DPYD: variants seen among roughly 807,000 people sequenced by gnomAD.
The protein encoded by DPYD is dihydropyrimidine dehydrogenase.
In DPYD, 109 loss-of-function variants were observed where a neutral mutation model predicts 116.2. That is an observed-to-expected ratio of 0.94 (90% confidence interval 0.80 to 1.10). DPYD has a LOEUF of 1.10. DPYD is among the 50% of genes least tolerant of loss of function. DPYD has a pLI of 0.00. For missense variants in DPYD, 1,302 were observed against 1,254.5 expected, an observed-to-expected ratio of 1.04 and a Z score of -0.57; for synonymous variants, 440 against 432.0, an observed-to-expected ratio of 1.02 and a Z score of -0.23.
intron 16 of DPYD, among the ~76,000 whole-genome samples, chr1:97,364,429 G>C (rs1169022987): frequency 6.6e-6 from 1 of 151,882 alleles, no homozygotes; most frequent in Non-Finnish European, 1.5e-5. Context: ...ATCAATCCTA[G>C]AAAAAAATAA....
intron 3 of DPYD, among the ~76,000 whole-genome samples, chr1:97,786,492 T>C (rs1189053624): frequency 2.0e-5 from 3 of 152,234 alleles, no homozygotes; most frequent in Admixed American, 6.5e-5. Flanking sequence ...AACCACCATC[T>C]ATCAAAGATT....
chr1:97,397,723 T>C (rs1673094222), intron 14 of DPYD, among the ~76,000 whole-genome samples: 1 of 152,072 alleles, frequency 6.6e-6, no homozygotes. Flanking sequence ...CTAAATAATA[T>C]ATCACTGTCT....
At chr1:97,782,549 C>G (rs1666808471) in intron 3 of DPYD, among the ~76,000 whole-genome samples, 2 of 152,198 alleles carry the variant, frequency 1.3e-5, no homozygotes, top group African/African-American at 2.4e-5. Context: ...CATGTATACT[C>G]ACTTTACTTC....
chr1:97,553,853 G>A (rs1052752081), intron 11 of DPYD, among the ~76,000 whole-genome samples: 1 of 152,054 alleles, frequency 6.6e-6, no homozygotes. Context: ...TCTGCAATTG[G>A]AAGAGAAATT....
chr1:97,880,456 G>A (rs1672151168), intron 2 of DPYD, among the ~76,000 whole-genome samples: 1 of 151,248 alleles, frequency 6.6e-6, no homozygotes, highest in South Asian at 2.1e-4. Flanking sequence ...AATACGTAAG[G>A]AGCAGCATTA....
rs762468894 is a variant in DPYD at position 97,721,562 on chromosome 1, G to C, written c.431C>G (p.Ala144Gly). ...AATATTAATGGGTCCCTCTTCAGTG[G>C]CATATAAATTGCATCCACCTACACA... ...DLCVGGCNLY[A>G]TEEGPINIGG... is the part of the protein sequence containing the mutation. The change falls in exon 5 of 23, where the codon GCC (alanine) becomes GGC (glycine). Residue 144 changes from alanine (A) to glycine (G), a missense_variant. Transcript: ENST00000370192. 5.6e-6 allele frequency: 9 copies of C among 1,611,762 alleles called. No individual in the cohort carries two copies. The highest frequency in any genetic ancestry group is 6.8e-6 in the Non-Finnish European group (8 of 1,178,446).
At chr1:97,268,763 C>G (rs116290812) in intron 18 of DPYD, among the ~76,000 whole-genome samples, 2,750 of 152,202 alleles carry the variant, frequency 0.018, 88 homozygotes, top group African/African-American at 0.063. Flanking sequence ...CAATGTCCTA[C>G]CTAACTTGCC....
intron 21 of DPYD, among the ~76,000 whole-genome samples, chr1:97,091,550 T>G (rs1168631168): frequency 6.6e-6 from 1 of 152,134 alleles, no homozygotes; most frequent in African/African-American, 2.4e-5. Flanking sequence ...TTAAAGGGAA[T>G]GTGGCCGTTA....
chr1:97,704,215 G>A (rs1275353673), intron 5 of DPYD, among the ~76,000 whole-genome samples: 1 of 152,000 alleles, frequency 6.6e-6, no homozygotes, highest in East Asian at 1.9e-4. Context: ...ATGACAAAAT[G>A]AGGGCAAATG....
chr1:97,704,264 G>A (rs948804460), intron 5 of DPYD, among the ~76,000 whole-genome samples: 1 of 151,944 alleles, frequency 6.6e-6, no homozygotes, highest in Admixed American at 6.6e-5. Flanking sequence ...AATATTTTGT[G>A]GGTGAATGGG....
chr1:97,216,712 T>C (rs1660422135), intron 19 of DPYD, among the ~76,000 whole-genome samples: 1 of 152,044 alleles, frequency 6.6e-6, no homozygotes, highest in Non-Finnish European at 1.5e-5. Context: ...GGAGAATTGT[T>C]TGAACCTGGG....
At chr1:97,426,758 A>G (rs1379980302) in intron 14 of DPYD, among the ~76,000 whole-genome samples, 1 of 152,082 alleles carries the variant, frequency 6.6e-6, no homozygotes, top group African/African-American at 2.4e-5. Flanking sequence ...TAGGATCTAG[A>G]AAAAAATTTA....
chr1:97,624,009 A>C (rs1656782182), intron 8 of DPYD, among the ~76,000 whole-genome samples: 1 of 152,062 alleles, frequency 6.6e-6, no homozygotes, highest in African/African-American at 2.4e-5. Flanking sequence ...ATAAAACCAG[A>C]AACTCTAAAA....
chr1:97,725,379 C>T (rs1255529339), intron 4 of DPYD, among the ~76,000 whole-genome samples: 1 of 151,504 alleles, frequency 6.6e-6, no homozygotes, highest in East Asian at 1.9e-4. Context: ...GTGATACTAT[C>T]CAAATTTATC....
chr1:97,477,604 CTTTTTT>C (rs56199931), intron 13 of DPYD, among the ~76,000 whole-genome samples: 45 of 113,674 alleles, frequency 4.0e-4, no homozygotes, highest in African/African-American at 1.5e-3. Context: ...GACTGTTCTT[CTTTTTT>C]TTTTTTTTTT....
chr1:97,224,093 A>G (rs111948083), intron 19 of DPYD, among the ~76,000 whole-genome samples: 36 of 152,068 alleles, frequency 2.4e-4, no homozygotes, highest in African/African-American at 7.7e-4. Flanking sequence ...AACTAATGAA[A>G]TCCTGTCAAA....
At chr1:97,094,083 A>C (rs55836864) in intron 21 of DPYD, among the ~76,000 whole-genome samples, 21,692 of 151,918 alleles carry the variant, frequency 0.14, 1,697 homozygotes, top group Non-Finnish European at 0.17. Context: ...AAGTTACTGA[A>C]AGTGTATTCT....
chr1:97,389,111 T>G (rs2101593576), intron 14 of DPYD, among the ~76,000 whole-genome samples: 1 of 151,972 alleles, frequency 6.6e-6, no homozygotes, highest in African/African-American at 2.4e-5. Flanking sequence ...TAGTTATGGG[T>G]TTGTGACTAT....
At chr1:97,169,558 ATTTG>A (rs1656574882) in intron 20 of DPYD, among the ~76,000 whole-genome samples, 12 of 141,616 alleles carry the variant, frequency 8.5e-5, no homozygotes, top group Admixed American at 7.7e-4. Context: ...ATTTTATTTT[ATTTG>A]TTATGGAGTT....
Sources: gnomAD v4.1 joint callset for allele counts (sites outside exome capture counted in the v4.1 genomes callset) on GRCh38, gnomAD v4.1.1 for gene constraint, MANE v1.5 for transcripts, NCBI Gene and HGNC (gene_info 2026-07-23, HGNC 2026-07-21) for gene names.